The following ABCA5 variants were observed in gnomAD, a reference collection of about 807,000 sequenced individuals.
The protein encoded by ABCA5 is ATP binding cassette subfamily A member 5.
A neutral mutation model predicts 206.0 loss-of-function variants in ABCA5; 163 were observed. The ratio of observed to expected loss-of-function variants is 0.79; its 90% CI spans 0.70 to 0.90. The LOEUF is 0.90. Ranked by LOEUF, ABCA5 falls within the 40% of genes least tolerant of loss-of-function variation. ABCA5 has a pLI of 0.00. For missense variants in ABCA5, 1,859 were observed against 1,912.9 expected (o/e 0.97, Z 0.53); for synonymous variants, 609 against 613.8 (o/e 0.99, Z 0.11).
At chr17:69,325,061 G>A (rs866709183) in intron 1 of ABCA5, among the ~76,000 whole-genome samples, 5 of 151,248 alleles carry the variant, frequency 3.3e-5, no homozygotes, top group African/African-American at 4.9e-5. Flanking sequence ...AGTGGCTCAC[G>A]TGGCAATCCC....
rs1402657773 is a variant in ABCA5, at chr17:69,261,159, T to C, written c.3530A>G (p.Tyr1177Cys). The change falls in exon 26 of 39, where the codon TAT (tyrosine) becomes TGT (cysteine). Residue 1177 changes from tyrosine (Y) to cysteine (C), a missense_variant. By Grantham distance (194) the Tyr-to-Cys change is radical. Transcript: ENST00000392676. The stretch of plus-strand genomic sequence containing the variant: ...AGAAATCAGGCAACCTAGAAGTGGA[T>C]AGATTGGAATGATGATACAAAAGGC... ...HYAFCIIIPIYPLLGCLISFI... is the reference protein window; with the variant it reads ...HYAFCIIIPICPLLGCLISFI... 3.1e-6 allele frequency: 5 copies of C among 1,600,162 alleles called. No individual in the cohort carries two copies. Among genetic ancestry groups the C allele is most frequent in the Admixed American group, 3.4e-5 (2 of 58,792 alleles).
chr17:69,309,304 GA>G lies in ABCA5; in HGVS notation c.426del (p.Pro143LeufsTer3). On this transcript the variant is annotated frameshift_variant, in exon 4 of 39. Transcript: ENST00000392676. LOFTEE classifies it high-confidence loss of function. The part of the protein sequence containing the change: ...KDSMSYELRF[F>X]PDMIPVSSIY... ...ATAGAAGATACTGGAATCATATCAG[GA>G]AAAAAACGAAGTTCATAGGACATGG... 3 of 1,597,790 alleles carry G rather than the reference GA, an allele frequency of 1.9e-6. No individual in the cohort carries two copies. The highest frequency in any genetic ancestry group is 3.6e-5 in the Admixed American group (2 of 55,066).
chr17:69,313,108 A>C lies in ABCA5; in HGVS notation c.291T>G (p.Thr97=). 3.7e-6 allele frequency: 6 copies of C among 1,606,346 alleles called. No individual in the cohort carries two copies. Among genetic ancestry groups the C allele is most frequent in the African/African-American group, 1.3e-5 (1 of 74,798 alleles). The change falls in exon 3 of 39, where the codon ACT becomes ACG. Residue 97 remains threonine, a synonymous_variant. Transcript: ENST00000392676. ...ITSSIMQKVS[T]DHLPDVIITE... is the part of the protein sequence containing the mutation. ...TCACAATACCATCAGGTAGATGATC[A>C]GTAGACACTTTCTGCATGATGCTGC...
At chr17:69,289,470 T>A (rs2075500215) in intron 13 of ABCA5, among the ~76,000 whole-genome samples, 174 bp from the exon 14 acceptor site, 1 of 152,188 alleles carries the variant, frequency 6.6e-6, no homozygotes, top group Non-Finnish European at 1.5e-5. Context: ...GAACTGCCTT[T>A]GACATATACT....
chr17:69,282,528 T>C (rs1238066379), intron 18 of ABCA5, among the ~76,000 whole-genome samples: 1 of 152,150 alleles, frequency 6.6e-6, no homozygotes, highest in African/African-American at 2.4e-5. Context: ...CCTAGCACTT[T>C]GGGAGGCCAA....
chr17:69,304,675 T>C lies in ABCA5; in HGVS notation c.924A>G (p.Leu308=), dbSNP rs1198207029. Residue 308 remains leucine (L), a synonymous_variant, in exon 7 of 39, where the codon TTA becomes TTG. Transcript: ENST00000392676. ...VIFLLFFLYG[L]SSVFFALMLT... is the part of the protein sequence containing the mutation. ...CACAAGTTAAAATACTTACAGATGA[T>C]AATCCATAAAGGAAAAAAAGCAGAA... 1.3e-6 allele frequency: 2 copies of C among 1,581,320 alleles called. No individual in the cohort carries two copies. The highest frequency in any genetic ancestry group is 1.8e-5 in the Admixed American group (1 of 55,098).
chr17:69,312,659 A>G (rs545648194), intron 3 of ABCA5, among the ~76,000 whole-genome samples: 46 of 152,206 alleles, frequency 3.0e-4, no homozygotes, highest in Non-Finnish European at 4.6e-4. Context: ...ATCATAGTTC[A>G]CTGCAGCCCC....
chr17:69,322,416 G>A (rs913814878), intron 1 of ABCA5, among the ~76,000 whole-genome samples: 1 of 139,512 alleles, frequency 7.2e-6, no homozygotes, highest in African/African-American at 2.7e-5. Flanking sequence ...CAAGTCCTAC[G>A]AAACATATTC....
chr17:69,316,801 A>G (rs575046011), intron 1 of ABCA5: 1 of 152,336 alleles, frequency 6.6e-6, no homozygotes, highest in South Asian at 2.1e-4. Flanking sequence ...ACCTACAGAG[A>G]GTAACAATTT....
intron 1 of ABCA5, chr17:69,317,214 T>A (rs2075824534): frequency 6.6e-6 from 1 of 151,888 alleles, no homozygotes; most frequent in Admixed American, 6.6e-5. Context: ...TTGGCCAACA[T>A]GGCAAAACCC....
At chr17:69,275,990 C>G (rs1027538831) in intron 19 of ABCA5, among the ~76,000 whole-genome samples, 1 of 151,150 alleles carries the variant, frequency 6.6e-6, no homozygotes, top group Non-Finnish European at 1.5e-5. Flanking sequence ...CTGCAGCCAT[C>G]AGAATTGTGA....
intron 35 of ABCA5, 32 bp downstream of exon 35, chr17:69,251,715 T>C (rs2075015323): frequency 1.3e-6 from 2 of 1,592,660 alleles, no homozygotes; most frequent in African/African-American, 1.4e-5. Flanking sequence ...CCCAACCTCT[T>C]CCCCTGAATG....
intron 1 of ABCA5, among the ~76,000 whole-genome samples, chr17:69,319,989 C>T (rs1022943136): frequency 1.3e-5 from 2 of 152,118 alleles, no homozygotes; most frequent in Non-Finnish European, 2.9e-5. Context: ...AATGTTTTTG[C>T]GCCTAAGTTT....
At position 69,279,653 on chromosome 17, in the gene ABCA5, C is replaced by T. The variant is rs201658085; in HGVS notation, c.2393-1811G>A. On this transcript the variant is annotated intron_variant, in intron 18 of 38. Coordinates refer to ENST00000392676, the MANE Select transcript of ABCA5 (RefSeq NM_172232.4). ...AACTATACTACAAGGCCACAGTAAC[C>T]AAAACAGCATGGTACTGGTACCAAA... Among the ~76,000 whole-genome samples, 239 of 152,190 alleles carry T rather than the reference C, an allele frequency of 1.6e-3. 9 individuals carry two copies. In the East Asian group the frequency reaches 0.037, roughly 24 times the overall value.
chr17:69,287,509 C>T, intron 15 of ABCA5, 104 bp downstream of exon 15: 2 of 1,380,516 alleles, frequency 1.4e-6, no homozygotes, highest in East Asian at 2.5e-5. Flanking sequence ...AAACATACCA[C>T]TAGGTAAAAG....
intron 4 of ABCA5, 106 bp from the exon 5 acceptor site, chr17:69,308,474 A>C: frequency 1.4e-6 from 1 of 693,504 alleles, no homozygotes; most frequent in South Asian, 2.1e-5. Flanking sequence ...TAATCAATCA[A>C]TCTTTACAGG....
chr17:69,272,561 TA>T (rs1321449665), intron 20 of ABCA5, among the ~76,000 whole-genome samples: 3 of 151,816 alleles, frequency 2.0e-5, no homozygotes, highest in Non-Finnish European at 4.4e-5. Context: ...TGGACACATA[TA>T]AAAAATGTCA....
rs77262773 is a variant in ABCA5, at chr17:69,253,570, C to T, written c.4415+3G>A. Reference sequence around the variant, plus strand: ...TGTACTGTGTCACAAGTACCATACTCACCACATGTGCTGTTTGGCTTTGGG... The same window carrying T: ...TGTACTGTGTCACAAGTACCATACTTACCACATGTGCTGTTTGGCTTTGGG... On this transcript the variant is annotated splice_donor_region_variant and intron_variant, in intron 34 of 38. Transcript: ENST00000392676. 0.019 allele frequency: 29,848 copies of T among 1,604,852 alleles called. 360 individuals carry two copies. The highest frequency in any genetic ancestry group is 0.024 in the Non-Finnish European group (27,711 of 1,171,660).
intron 18 of ABCA5, among the ~76,000 whole-genome samples, chr17:69,278,530 T>C (rs2075357594): frequency 6.6e-6 from 1 of 152,206 alleles, no homozygotes; most frequent in African/African-American, 2.4e-5. Flanking sequence ...AGCCAATGCC[T>C]ACTTCAATAT....
Sources: gnomAD v4.1 joint callset for allele counts (sites outside exome capture counted in the v4.1 genomes callset) on GRCh38, gnomAD v4.1.1 for gene constraint, MANE v1.5 for transcripts, NCBI Gene and HGNC (gene_info 2026-07-23, HGNC 2026-07-21) for gene names.